TARBP1: variants seen among roughly 807,000 people sequenced by gnomAD.
TARBP1 encodes tRNA (guanosine(18)-2'-O)-methyltransferase TARBP1.
In TARBP1, 144 loss-of-function variants were observed where a neutral mutation model predicts 178.6. The observed-to-expected ratio is 0.81, with a 90% CI of 0.70 to 0.93. The LOEUF (loss-of-function observed/expected upper bound fraction) is 0.93. Among genes scored for constraint, TARBP1 ranks in the 40% least tolerant of loss-of-function variants. The pLI, the probability that TARBP1 is intolerant of heterozygous loss-of-function variation, is 0.00. For synonymous variants in TARBP1, 787 were observed against 781.0 expected (o/e 1.01, Z -0.13); for missense variants, 2,067 against 2,011.7 (o/e 1.03, Z -0.53).
At chr1:234,419,501 A>G (rs1373217594) in intron 21 of TARBP1, among the ~76,000 whole-genome samples, 2 of 152,162 alleles carry the variant, frequency 1.3e-5, no homozygotes, top group Non-Finnish European at 2.9e-5. Context: ...AAGGTTAAAC[A>G]AAACCATAAG....
intron 11 of TARBP1, 85 bp downstream of exon 11, chr1:234,448,395 C>G: frequency 8.5e-7 from 1 of 1,180,400 alleles, no homozygotes; most frequent in Non-Finnish European, 1.3e-6. Context: ...CAACTAAGTT[C>G]AATCATTCAA....
intron 6 of TARBP1, among the ~76,000 whole-genome samples, chr1:234,463,173 G>A (rs1269093683): frequency 6.6e-6 from 1 of 152,066 alleles, no homozygotes; most frequent in African/African-American, 2.4e-5. Context: ...ACCCAGGCTA[G>A]AGTATAGTGG....
chr1:234,435,795 A>ACCCAGCCAGCATCGCAAAGACCGAAGAT (rs1664966408), intron 13 of TARBP1, among the ~76,000 whole-genome samples: 1 of 152,248 alleles, frequency 6.6e-6, no homozygotes, highest in South Asian at 2.1e-4. Context: ...GTAGCAGCAG[A>ACCCAGCCAGCATCGCAAAGACCGAAGAT]CCCAGCCAGC....
At chr1:234,476,040 T>C in intron 1 of TARBP1, among the ~76,000 whole-genome samples, 1 of 152,202 alleles carries the variant, frequency 6.6e-6, no homozygotes, top group Admixed American at 6.5e-5. Flanking sequence ...AAAAAGCGAC[T>C]CCATAGCCAA....
rs1056564698 is a variant in TARBP1 at position 234,471,225 on chromosome 1, T to C, written c.1062A>G (p.Leu354=). 7 of 1,600,670 alleles carry C rather than the reference T, an allele frequency of 4.4e-6. 1 individual carries two copies. Among genetic ancestry groups the C allele is most frequent in the African/African-American group, 4.0e-5 (3 of 74,158 alleles). Residue 354 remains leucine, a synonymous_variant, in exon 3 of 30, where the codon CTA becomes CTG. Transcript: ENST00000040877. ...IHVIKPVLPK[L]NNLFEYAVSE... ...ACACCGCATATTCAAACAGATTGTT[T>C]AGCTTTGGTAAAACTGGCTTTATAA...
chr1:234,420,653 T>C, intron 21 of TARBP1, 49 bp downstream of exon 21: 1 of 1,223,492 alleles, frequency 8.2e-7, no homozygotes, highest in Non-Finnish European at 1.2e-6. Context: ...AATAGTTCAG[T>C]CATGAAATCA....
chr1:234,391,904 G>A (rs1280597098), intron 29 of TARBP1, among the ~76,000 whole-genome samples, 159 bp from the exon 30 acceptor site: 1 of 152,030 alleles, frequency 6.6e-6, no homozygotes, highest in Non-Finnish European at 1.5e-5. Flanking sequence ...TGTAGTACCG[G>A]GAAATAAATA....
chr1:234,455,663 G>A lies in TARBP1; in HGVS notation c.1722+2004C>T, dbSNP rs138240992. Among the ~76,000 whole-genome samples the A allele has an allele frequency of 1.2e-3, 176 of 152,138 alleles. 2 individuals carry two copies. The highest frequency in any genetic ancestry group is 4.0e-3 in the African/African-American group (167 of 41,516). On this transcript the variant is annotated intron_variant, in intron 9 of 29. Transcript: ENST00000040877. Reference sequence around the variant, plus strand: ...CGATAAGGATCAAGGCAAGATAGAAGAGCAAAACAGAAATAAGACACTTCT... The same window carrying A: ...CGATAAGGATCAAGGCAAGATAGAAAAGCAAAACAGAAATAAGACACTTCT...
rs1438495620 is a variant in TARBP1 at position 234,463,938 on chromosome 1, C to T, written c.1302-4G>A. On this transcript the variant is annotated splice_region_variant and splice_polypyrimidine_tract_variant and intron_variant, in intron 5 of 29. Coordinates refer to ENST00000040877, the MANE Select transcript of TARBP1 (RefSeq NM_005646.4). ...TCCTATTGGCTGGCCTGGGGACCTA[C>T]AAACAGAGAGTGGGGAAAACAAATA... 6.4e-7 allele frequency: 1 copy of T among 1,557,192 alleles called. No homozygotes were observed. The highest frequency in any genetic ancestry group is 8.7e-7 in the Non-Finnish European group (1 of 1,152,530).
intron 20 of TARBP1, among the ~76,000 whole-genome samples, chr1:234,421,936 GTATA>G (rs1663149104): frequency 6.6e-6 from 1 of 152,108 alleles, no homozygotes; most frequent in Admixed American, 6.5e-5. Flanking sequence ...GCATTTTAGT[GTATA>G]TAAAGTTTCA....
In TARBP1 at chr1:234,469,077, T is replaced by TTTTAA. The variant is rs1413764322; in HGVS notation, c.1100-1428_1100-1427insTTAAA. Among the ~76,000 whole-genome samples, 38 of 63,762 alleles carry TTTTAA rather than the reference T, an allele frequency of 6.0e-4. 1 individual carries two copies. The highest frequency in any genetic ancestry group is 1.5e-3 in the African/African-American group (24 of 16,436). 41.8% of individuals were successfully genotyped at this position (63,762 alleles called of 152,430 possible). On this transcript the variant is annotated intron_variant, in intron 3 of 29. Transcript: ENST00000040877. ...GTTTTTGCCTTTTTTTTTTTTTTTT[T>TTTTAA]AAAAAAAAAAAAAAGGCAAAAACCG...
At chr1:234,419,763 T>C (rs1050611754) in intron 21 of TARBP1, among the ~76,000 whole-genome samples, 2 of 151,982 alleles carry the variant, frequency 1.3e-5, no homozygotes, top group Non-Finnish European at 2.9e-5. Flanking sequence ...TGATGAAAAA[T>C]AGCAACCTCC....
intron 20 of TARBP1, 51 bp from the exon 21 acceptor site, chr1:234,420,863 G>T: frequency 8.9e-7 from 1 of 1,123,782 alleles, no homozygotes; most frequent in South Asian, 1.4e-5. Context: ...TTGAATTTGT[G>T]ATTAATGAAA....
At chr1:234,391,869 A>T in intron 29 of TARBP1, 124 bp from the exon 30 acceptor site, 3 of 1,027,038 alleles carry the variant, frequency 2.9e-6, no homozygotes, top group Non-Finnish European at 4.3e-6. Flanking sequence ...TTACTAAAAG[A>T]AACATTAACA....
At chr1:234,417,320 A>G (rs1662535454) in intron 22 of TARBP1, among the ~76,000 whole-genome samples, 1 of 152,110 alleles carries the variant, frequency 6.6e-6, no homozygotes, top group Admixed American at 6.6e-5. Context: ...AGGAGACACA[A>G]ACAGGTCACA....
chr1:234,423,556 C>T (rs1355183494), intron 20 of TARBP1, among the ~76,000 whole-genome samples: 3 of 152,126 alleles, frequency 2.0e-5, no homozygotes, highest in Admixed American at 6.6e-5. Context: ...CACCATGAAA[C>T]GCCTTTGTCG....
chr1:234,447,060 T>G (rs1179106299), intron 11 of TARBP1, 85 bp from the exon 12 acceptor site: 3 of 1,421,022 alleles, frequency 2.1e-6, no homozygotes, highest in South Asian at 2.3e-5. Context: ...GAAAACTGGT[T>G]AGCTAATGGA....
chr1:234,405,627 G>A (rs1486941274), intron 24 of TARBP1: 3 of 382,442 alleles, frequency 7.8e-6, no homozygotes, highest in African/African-American at 4.0e-5. Context: ...TAGCTATACT[G>A]AAGAGAAACA....
chr1:234,412,299 G>C lies in TARBP1; in HGVS notation c.3706-1768C>G, dbSNP rs570489953. Among the ~76,000 whole-genome samples the C allele has an allele frequency of 2.0e-5, 3 of 152,142 alleles. No individual in the cohort carries two copies. The East Asian group carries it at 5.8e-4, about 29-fold the overall frequency. Reference sequence around the variant, plus strand: ...TAGCTGGGCATGGTGGTGGGCACCTGTAATTCCAGTTACCTGGGAGGCTGA... The same window carrying C: ...TAGCTGGGCATGGTGGTGGGCACCTCTAATTCCAGTTACCTGGGAGGCTGA... On this transcript the variant is annotated intron_variant, in intron 22 of 29. Coordinates refer to ENST00000040877, the MANE Select transcript of TARBP1 (RefSeq NM_005646.4).
Sources: gnomAD v4.1 joint callset for allele counts (sites outside exome capture counted in the v4.1 genomes callset) on GRCh38, gnomAD v4.1.1 for gene constraint, MANE v1.5 for transcripts, NCBI Gene and HGNC (gene_info 2026-07-23, HGNC 2026-07-21) for gene names.